Variants in PCDHGA7 observed in about 807,000 individuals in gnomAD.
PCDHGA7 encodes protocadherin gamma subfamily A, 7.
A neutral mutation model predicts 58.3 loss-of-function variants in PCDHGA7; 44 were observed. That is an observed-to-expected ratio of 0.75 (90% confidence interval 0.59 to 0.97). The LOEUF is 0.97. Among genes scored for constraint, PCDHGA7 ranks in the 50% least tolerant of loss-of-function variants. The pLI is 0.00. For missense variants in PCDHGA7, 1,266 were observed against 1,188.7 expected, an observed-to-expected ratio of 1.06 and a Z score of -0.96; for synonymous variants, 516 against 504.2, an observed-to-expected ratio of 1.02 and a Z score of -0.31.
At chr5:141,427,294 AT>A (rs2097012877) in intron 1 of PCDHGA7, 1 of 456,758 alleles carries the variant, frequency 2.2e-6, no homozygotes, top group Non-Finnish European at 4.4e-6. Flanking sequence ...GAAATCCTAG[AT>A]GAGAATGACA....
At chr5:141,502,891 C>G (rs2099816930) in intron 2 of PCDHGA7, among the ~76,000 whole-genome samples, 1 of 117,990 alleles carries the variant, frequency 8.5e-6, no homozygotes, top group African/African-American at 3.4e-5. Context: ...GACAGGGAGT[C>G]TAGCTCTGTT....
rs2150262452 is a variant in PCDHGA7, at chr5:141,384,557, T to C, written c.1658T>C (p.Leu553Pro). 2 of 1,614,252 alleles carry C rather than the reference T, an allele frequency of 1.2e-6. No homozygotes were observed. Among genetic ancestry groups the C allele is most frequent in the Middle Eastern group, 3.3e-4 (2 of 6,062 alleles). ...AACATGTCACTGAGCCTGTTCGTGC[T>C]GGACCAGAATGACAACCCGCCCGAG... is the stretch of plus-strand genomic sequence containing the variant. Reference protein sequence around the residue: ...SSNMSLSLFVLDQNDNPPEIL... With the variant: ...SSNMSLSLFVPDQNDNPPEIL... Residue 553 changes from leucine (L) to proline (P), a missense_variant, in exon 1 of 4, where the codon CTG (leucine) becomes CCG (proline). Leu to Pro is a moderately conservative substitution (Grantham distance 98, BLOSUM62 -3). Coordinates refer to ENST00000518325, the MANE Select transcript of PCDHGA7 (RefSeq NM_018920.4).
rs1446432461 is a variant in PCDHGA7, at chr5:141,511,005, C to G, written c.2631C>G (p.Ala877=). 6.2e-7 allele frequency: 1 copy of G among 1,614,176 alleles called. No individual in the cohort carries two copies. Among genetic ancestry groups the G allele is most frequent in the Middle Eastern group, 1.6e-4 (1 of 6,062 alleles). ...GGGAGTMGLS[A]RYGPQFTLQH... is the part of the protein sequence containing the mutation. ...GTGCCGGCACCATGGGATTGAGCGC[C>G]CGCTACGGACCCCAGTTCACCCTGC... Residue 877 remains alanine, a synonymous_variant, in exon 4 of 4, where the codon GCC becomes GCG. Coordinates refer to ENST00000518325, the MANE Select transcript of PCDHGA7 (RefSeq NM_018920.4).
intron 1 of PCDHGA7, chr5:141,392,075 TG>T (rs2092461871): frequency 6.6e-6 from 1 of 152,236 alleles, no homozygotes. Context: ...GTAATTCAAG[TG>T]GCATTTAGAA....
chr5:141,423,095 A>ACG (rs2096709208), intron 1 of PCDHGA7: 4 of 1,613,860 alleles, frequency 2.5e-6, no homozygotes, highest in African/African-American at 2.7e-5. Flanking sequence ...GTGGGGGAGC[A>ACG]CACGGGCGAG....
chr5:141,399,713 A>T, intron 1 of PCDHGA7: 1 of 1,613,326 alleles, frequency 6.2e-7, no homozygotes, highest in Non-Finnish European at 8.5e-7. Context: ...CTCACACTAC[A>T]GGCCCGCGAC....
intron 1 of PCDHGA7, chr5:141,468,401 C>G (rs943048252): frequency 6.7e-6 from 1 of 149,126 alleles, no homozygotes; most frequent in Non-Finnish European, 1.5e-5. Flanking sequence ...TTGGTGAGAA[C>G]TAATAATAAG....
chr5:141,478,461 T>C, intron 1 of PCDHGA7: 1 of 1,613,254 alleles, frequency 6.2e-7, no homozygotes, highest in East Asian at 2.2e-5. Flanking sequence ...GCCAGTCCAC[T>C]GGCCAGCCGC....
At chr5:141,469,807 T>C (rs1294838215) in intron 1 of PCDHGA7, among the ~76,000 whole-genome samples, 1 of 152,070 alleles carries the variant, frequency 6.6e-6, no homozygotes, top group African/African-American at 2.4e-5. Context: ...AAAAACATTG[T>C]AGATAGAATG....
intron 1 of PCDHGA7, chr5:141,407,995 C>A: frequency 1.2e-6 from 1 of 869,524 alleles, no homozygotes. Flanking sequence ...AGCCTCTGGC[C>A]TGGGATTCCC....
chr5:141,392,914 C>G (rs2092626800), intron 1 of PCDHGA7: 1 of 1,613,786 alleles, frequency 6.2e-7, no homozygotes. Context: ...ATTCGCTACT[C>G]TGTGCCAGAA....
intron 2 of PCDHGA7, among the ~76,000 whole-genome samples, chr5:141,501,877 A>G (rs1267260445): frequency 1.3e-5 from 2 of 151,690 alleles, no homozygotes; most frequent in East Asian, 3.9e-4. Flanking sequence ...GCCTCCTTAC[A>G]CTCCTGATCA....
chr5:141,423,070 C>G, intron 1 of PCDHGA7: 1 of 1,614,132 alleles, frequency 6.2e-7, no homozygotes, highest in Non-Finnish European at 8.5e-7. Flanking sequence ...GGCCAGCGAG[C>G]CGGGACTCTT....
Position 141,485,844 on chromosome 5 carries a change from G to A in PCDHGA7, c.2425-8963G>A, listed in dbSNP as rs201857404. On this transcript the variant is annotated intron_variant, in intron 1 of 3. Transcript: ENST00000518325. The surrounding 1 kb of genome is among the most constrained non-coding windows in gnomAD (Gnocchi z 5.7). ...GATGGAGGGAACCCGCCGAGATCTGGCACCGCAGAGCTCCGGGTATCCGTG... is the reference window on the plus strand; with the variant it reads ...GATGGAGGGAACCCGCCGAGATCTGACACCGCAGAGCTCCGGGTATCCGTG... 6 of 1,613,890 alleles carry A rather than the reference G, an allele frequency of 3.7e-6. No homozygotes were observed. In the East Asian group the frequency reaches 1.1e-4, roughly 30 times the overall value.
chr5:141,482,981 AGG>A (rs2099575420), intron 1 of PCDHGA7, among the ~76,000 whole-genome samples: 1 of 150,250 alleles, frequency 6.7e-6, no homozygotes, highest in African/African-American at 2.5e-5. Context: ...GCTACTTGAG[AGG>A]TCGAGGCAGG....
intron 1 of PCDHGA7, among the ~76,000 whole-genome samples, chr5:141,455,253 C>T (rs187877877): frequency 6.6e-6 from 1 of 151,986 alleles, no homozygotes; most frequent in East Asian, 1.9e-4. Flanking sequence ...ATAGTACAAT[C>T]GCATTTCTTC....
intron 1 of PCDHGA7, among the ~76,000 whole-genome samples, chr5:141,467,727 T>C (rs1562013145): frequency 6.6e-6 from 1 of 152,046 alleles, no homozygotes; most frequent in African/African-American, 2.4e-5. Flanking sequence ...AGTGGCACAA[T>C]CCCAGCTCGC....
At chr5:141,419,239 C>A in intron 1 of PCDHGA7, 3 of 1,614,008 alleles carry the variant, frequency 1.9e-6, no homozygotes, top group Non-Finnish European at 2.5e-6. Flanking sequence ...ACCTGGTCCA[C>A]GTGCCAGAAA....
In PCDHGA7 at chr5:141,477,157, CA is replaced by C. The variant is rs1240879989; in HGVS notation, c.2425-17648del. 2.5e-6 allele frequency: 4 copies of C among 1,614,064 alleles called. No homozygotes were observed. Among genetic ancestry groups the C allele is most frequent in the Non-Finnish European group, 3.4e-6 (4 of 1,180,046 alleles). ...TGGTGGAGGTTGTGGATGTGAATGACAACGCCCCGGAGATCACAGTCACCTC... is the reference window on the plus strand; with the variant it reads ...TGGTGGAGGTTGTGGATGTGAATGACACGCCCCGGAGATCACAGTCACCTC... On this transcript the variant is annotated intron_variant, in intron 1 of 3. Coordinates refer to ENST00000518325, the MANE Select transcript of PCDHGA7 (RefSeq NM_018920.4). This position sits in a 1 kb window ranked among gnomAD's most constrained non-coding sequence, Gnocchi z 4.9.
Sources: gnomAD v4.1 joint callset for allele counts (sites outside exome capture counted in the v4.1 genomes callset) on GRCh38, gnomAD v4.1.1 for gene constraint, Gnocchi (gnomAD v3.1) non-coding constraint, MANE v1.5 for transcripts, NCBI Gene and HGNC (gene_info 2026-07-23, HGNC 2026-07-21) for gene names.